Variants in TLR3 observed in about 807,000 individuals in gnomAD.
The protein encoded by TLR3 is toll-like receptor 3.
TLR3 carries 43 observed loss-of-function variants against 66.4 expected under a neutral mutation model. That is an observed-to-expected ratio of 0.65 (90% CI 0.51 to 0.83). TLR3 has a LOEUF of 0.83. Ranked by LOEUF, TLR3 falls within the 40% of genes least tolerant of loss-of-function variation. TLR3 has a pLI of 0.00. For missense variants in TLR3, 982 were observed against 1,044.6 expected (o/e 0.94, Z 0.83); for synonymous variants, 397 against 397.2 (o/e 1.00, Z 0.01).
At position 186,086,194 on chromosome 4, in the gene TLR3, AT is replaced by A. The variant is rs1178320948; in HGVS notation, c.*1326del. On this transcript the variant is annotated 3_prime_UTR_variant, in exon 5 of 5. Coordinates refer to ENST00000296795, the MANE Select transcript of TLR3 (RefSeq NM_003265.3). ...ATTTTGTTTTACAATACAACAAAAAATTTTTAGTTTTACAATAAAAGAGAAT... is the reference window on the plus strand; with the variant it reads ...ATTTTGTTTTACAATACAACAAAAAATTTTAGTTTTACAATAAAAGAGAAT... The A allele has an allele frequency of 6.6e-6, 1 of 152,218 alleles. No homozygotes were observed. The highest frequency in any genetic ancestry group is 1.5e-5 in the Non-Finnish European group (1 of 68,040). The allele number at this position is 152,218 out of a possible 1,614,324, so 9.4% of individuals were successfully genotyped here. A position where few individuals can be genotyped will look rare whatever the true frequency, so the allele number is the denominator to read the frequency against.
At chr4:186,069,454 G>A (rs1192997877) in intron 1 of TLR3, among the ~76,000 whole-genome samples, 1 of 152,148 alleles carries the variant, frequency 6.6e-6, no homozygotes, top group African/African-American at 2.4e-5. Flanking sequence ...CAGAACACAA[G>A]TAATAGCACC....
chr4:186,070,387 T>C (rs900793388), intron 1 of TLR3, among the ~76,000 whole-genome samples: 6 of 151,538 alleles, frequency 4.0e-5, no homozygotes, highest in African/African-American at 1.4e-4. Context: ...TTCATTTTAT[T>C]TCATTTATCG....
At chr4:186,079,636 C>T (rs1561371023) in intron 3 of TLR3, among the ~76,000 whole-genome samples, 1 of 152,180 alleles carries the variant, frequency 6.6e-6, no homozygotes, top group South Asian at 2.1e-4. Context: ...GCTTAAATAA[C>T]TGACAGGACT....
At position 186,082,849 on chromosome 4, in the gene TLR3, A is replaced by G. The variant is rs1444870741; in HGVS notation, c.1163A>G (p.Asn388Ser). The change falls in exon 4 of 5, where the codon AAC (asparagine) becomes AGC (serine). Residue 388 changes from asparagine (N) to serine (S), a missense_variant. Physicochemically the swap from Asn to Ser is conservative, Grantham distance 46 (BLOSUM62 1). Transcript: ENST00000296795. ...AACCTGAAATACTTAAGTCTATCCAACTCCTTTACAAGTTTGCGAACTTTG... is the reference window on the plus strand; with the variant it reads ...AACCTGAAATACTTAAGTCTATCCAGCTCCTTTACAAGTTTGCGAACTTTG... ...LINLKYLSLS[N>S]SFTSLRTLTN... 1 of 1,613,378 alleles carries G rather than the reference A, an allele frequency of 6.2e-7. No homozygotes were observed. Among genetic ancestry groups the G allele is most frequent in the Non-Finnish European group, 8.5e-7 (1 of 1,179,664 alleles).
At position 186,085,074 on chromosome 4, in the gene TLR3, C is replaced by T; in HGVS notation, c.*201C>T. On this transcript the variant is annotated 3_prime_UTR_variant, in exon 5 of 5. Coordinates refer to ENST00000296795, the MANE Select transcript of TLR3 (RefSeq NM_003265.3). ...TTTTGACAATTGACTTAATTTTACCCAAAATAAAACATATAAGCACGTAAG... is the reference window on the plus strand; with the variant it reads ...TTTTGACAATTGACTTAATTTTACCTAAAATAAAACATATAAGCACGTAAG... The T allele has an allele frequency of 1.7e-6, 1 of 589,904 alleles. No individual in the cohort carries two copies. The highest frequency in any genetic ancestry group is 1.9e-5 in the African/African-American group (1 of 53,652). 36.5% of individuals were successfully genotyped at this position (589,904 alleles called of 1,614,324 possible).
intron 1 of TLR3, among the ~76,000 whole-genome samples, chr4:186,073,058 G>A (rs1394116037): frequency 1.3e-5 from 2 of 152,180 alleles, no homozygotes; most frequent in African/African-American, 4.8e-5. Flanking sequence ...TTCAAGACTT[G>A]TTGTAAAGCT....
At chr4:186,080,112 A>G (rs945200504) in intron 3 of TLR3, among the ~76,000 whole-genome samples, 4 of 152,084 alleles carry the variant, frequency 2.6e-5, no homozygotes, top group African/African-American at 9.7e-5. Context: ...GCATTTTCAC[A>G]TACAGGTTTG....
rs73873710 is a variant in TLR3 at position 186,084,711 on chromosome 4, C to G, written c.2553C>G (p.Phe851Leu). 4.5e-5 allele frequency: 72 copies of G among 1,613,764 alleles called. No homozygotes were observed. The highest frequency in any genetic ancestry group is 6.0e-5 in the Non-Finnish European group (71 of 1,179,936). Reference sequence around the variant, plus strand: ...ATCTGGATTCCATTATATTGGTTTTCCTTGAGGAGATTCCAGATTATAAAC... The same window carrying G: ...ATCTGGATTCCATTATATTGGTTTTGCTTGAGGAGATTCCAGATTATAAAC... ...EQNLDSIILV[F>L]LEEIPDYKLN... The change falls in exon 5 of 5, where the codon TTC becomes TTG. Residue 851 changes from phenylalanine to leucine, a missense_variant. This residue lies in a region of TLR3 where 666 missense variants were observed against 709.0 expected (regional missense o/e 0.94). Transcript: ENST00000296795.
Position 186,084,854 on chromosome 4 carries a change from C to G in TLR3, c.2696C>G (p.Ser899Cys), listed in dbSNP as rs1431024449. 1.2e-6 allele frequency: 2 copies of G among 1,612,978 alleles called. No individual in the cohort carries two copies. The highest frequency in any genetic ancestry group is 1.7e-6 in the Non-Finnish European group (2 of 1,179,454). Residue 899 changes from serine to cysteine, a missense_variant, in exon 5 of 5, where the codon TCC (serine) becomes TGC (cysteine). Transcript: ENST00000296795. ...FRHKLQVALG[S>C]KNSVH ...CATAAATTGCAAGTAGCACTTGGAT[C>G]CAAAAACTCTGTACATTAAATTTAT...
chr4:186,083,503 T>G lies in TLR3; in HGVS notation c.1817T>G (p.Phe606Cys). ...TTAAACACACTTCCAGCATCTGTCTTTAATAATCAGGTGTCTCTAAAGTCA... is the reference window on the plus strand; with the variant it reads ...TTAAACACACTTCCAGCATCTGTCTGTAATAATCAGGTGTCTCTAAAGTCA... Reference protein sequence around the residue: ...NNLNTLPASVFNNQVSLKSLN... With the variant: ...NNLNTLPASVCNNQVSLKSLN... Residue 606 changes from phenylalanine to cysteine, a missense_variant, in exon 4 of 5, where the codon TTT (phenylalanine) becomes TGT (cysteine). Physicochemically the swap from Phe to Cys is radical, Grantham distance 205 (BLOSUM62 -2). Transcript: ENST00000296795. The surrounding 1 kb of genome is among the most constrained non-coding windows in gnomAD (Gnocchi z 4.0). The G allele has an allele frequency of 6.2e-7, 1 of 1,607,598 alleles. No homozygotes were observed. Among genetic ancestry groups the G allele is most frequent in the Non-Finnish European group, 8.5e-7 (1 of 1,176,482 alleles).
At chr4:186,073,871 A>G (rs1561369370) in intron 1 of TLR3, among the ~76,000 whole-genome samples, 2 of 152,030 alleles carry the variant, frequency 1.3e-5, no homozygotes, top group Non-Finnish European at 2.9e-5. Context: ...AATTCCTACA[A>G]CACAATAATA....
Position 186,082,973 on chromosome 4 carries a change from G to C in TLR3, c.1287G>C (p.Trp429Cys), listed in dbSNP as rs1189438854. The C allele has an allele frequency of 6.2e-7, 1 of 1,614,132 alleles. No homozygotes were observed. Among genetic ancestry groups the C allele is most frequent in the Non-Finnish European group, 8.5e-7 (1 of 1,180,022 alleles). ...ISKIESDAFS[W>C]LGHLEVLDLG... ...AAATAGAGAGTGATGCTTTCTCTTG[G>C]TTGGGCCACCTAGAAGTACTTGACC... Residue 429 changes from tryptophan (W) to cysteine (C), a missense_variant, in exon 4 of 5, where the codon TGG (tryptophan) becomes TGC (cysteine). Trp to Cys is a radical substitution (Grantham distance 215, BLOSUM62 -2). Transcript: ENST00000296795.
In TLR3 at chr4:186,084,750, CTGTT is replaced by C. The variant is rs747160506; in HGVS notation, c.2595_2598del (p.Leu866GlufsTer11). 6.2e-7 allele frequency: 1 copy of C among 1,614,022 alleles called. No homozygotes were observed. Among genetic ancestry groups the C allele is most frequent in the Non-Finnish European group, 8.5e-7 (1 of 1,179,972 alleles). On this transcript the variant is annotated frameshift_variant, in exon 5 of 5. Coordinates refer to ENST00000296795, the MANE Select transcript of TLR3 (RefSeq NM_003265.3). LOFTEE classifies it high-confidence loss of function. ...CAGATTATAAACTGAACCATGCACT[CTGTT>C]TGCGAAGAGGAATGTTTAAATCTCA... is the stretch of plus-strand genomic sequence containing the variant.
intron 1 of TLR3, among the ~76,000 whole-genome samples, chr4:186,069,906 G>A (rs1405268689): frequency 6.6e-6 from 1 of 152,232 alleles, no homozygotes; most frequent in East Asian, 1.9e-4. Context: ...AGATGATTAC[G>A]TGCTGGTATG....
chr4:186,075,165 A>G (rs903260654), intron 1 of TLR3, among the ~76,000 whole-genome samples: 2 of 152,236 alleles, frequency 1.3e-5, no homozygotes, highest in African/African-American at 4.8e-5. Context: ...TGTGTGCTAT[A>G]TTTTATATAA....
chr4:186,079,357 T>G (rs368673538), intron 3 of TLR3, among the ~76,000 whole-genome samples: 3 of 152,224 alleles, frequency 2.0e-5, no homozygotes, highest in East Asian at 3.8e-4. Flanking sequence ...GACAGAGTTA[T>G]TAATTAAAGA....
chr4:186,086,169 A>G lies in TLR3; in HGVS notation c.*1296A>G, dbSNP rs1049347714. 2.0e-5 allele frequency: 3 copies of G among 152,132 alleles called. No individual in the cohort carries two copies. Among genetic ancestry groups the G allele is most frequent in the Non-Finnish European group, 2.9e-5 (2 of 68,010 alleles). 9.4% of individuals were successfully genotyped at this position (152,132 alleles called of 1,614,324 possible). A position where few individuals can be genotyped will look rare whatever the true frequency, so the allele number is the denominator to read the frequency against. ...GTGAGCCACCGCGCCCCGCCTTTTT[A>G]TTTTGTTTTACAATACAACAAAAAA... On this transcript the variant is annotated 3_prime_UTR_variant, in exon 5 of 5. Transcript: ENST00000296795.
At chr4:186,080,365 T>TA (rs1486726587) in intron 3 of TLR3, among the ~76,000 whole-genome samples, 9 of 152,018 alleles carry the variant, frequency 5.9e-5, no homozygotes, top group African/African-American at 4.8e-5. Flanking sequence ...GGGGTGATTT[T>TA]AAAAAATCAC....
rs2150066355 is a variant in TLR3 at position 186,076,886 on chromosome 4, A to G, written c.267A>G (p.Lys89=). 6.2e-7 allele frequency: 1 copy of G among 1,614,194 alleles called. No individual in the cohort carries two copies. The highest frequency in any genetic ancestry group is 8.5e-7 in the Non-Finnish European group (1 of 1,180,036). The change falls in exon 2 of 5, where the codon AAA becomes AAG. Residue 89 remains lysine (K), a synonymous_variant. Coordinates refer to ENST00000296795, the MANE Select transcript of TLR3 (RefSeq NM_003265.3). ...SLDVGFNTIS[K]LEPELCQKLP... ...ATGTAGGATTTAACACCATCTCAAAACTGGAGCCAGAATTGTGCCAGAAAC... is the reference window on the plus strand; with the variant it reads ...ATGTAGGATTTAACACCATCTCAAAGCTGGAGCCAGAATTGTGCCAGAAAC...
Sources: gnomAD v4.1 joint callset for allele counts (sites outside exome capture counted in the v4.1 genomes callset) on GRCh38, gnomAD v4.1.1 for gene constraint, gnomAD v4.1.1 regional missense constraint, Gnocchi (gnomAD v3.1) non-coding constraint, MANE v1.5 for transcripts, NCBI Gene and HGNC (gene_info 2026-07-23, HGNC 2026-07-21) for gene names.